Variants in SLC9D1 observed in about 807,000 individuals in gnomAD.
The protein encoded by SLC9D1 is solute carrier family 9 member D1, also known as putative LAG1-interacting protein.
the SLC9D1 span, chr13:113,520,629 C>T: frequency 1.2e-6 from 2 of 1,613,360 alleles, no homozygotes; most frequent in Non-Finnish European, 1.7e-6. Context: ...ACATTGACTA[C>T]AGCACCGTGC....
the SLC9D1 span, among the ~76,000 whole-genome samples, chr13:113,536,885 C>T: frequency 3.3e-5 from 5 of 152,200 alleles, no homozygotes; most frequent in South Asian, 2.1e-4. Flanking sequence ...GTAGCCATGA[C>T]GTGGGTTTCC....
At chr13:113,544,977 G>A in the SLC9D1 span, among the ~76,000 whole-genome samples, 1 of 152,366 alleles carries the variant, frequency 6.6e-6, no homozygotes, top group South Asian at 2.1e-4. Flanking sequence ...TATCGACAAT[G>A]TCAGTCATTG....
the SLC9D1 span, chr13:113,495,403 C>A: frequency 2.0e-6 from 1 of 509,834 alleles, no homozygotes; most frequent in Non-Finnish European, 3.4e-6. Flanking sequence ...ATGAGAATTT[C>A]TTCAGAAAGG....
chr13:113,547,371 G>A, the SLC9D1 span: 2 of 1,613,534 alleles, frequency 1.2e-6, no homozygotes, highest in East Asian at 4.5e-5. Context: ...GTCAGTGGTG[G>A]TGATGAAGGT....
At chr13:113,547,242 A>G in the SLC9D1 span, 6 of 1,279,988 alleles carry the variant, frequency 4.7e-6, no homozygotes. Flanking sequence ...TGTGAGAAAT[A>G]GTGTGCGCTG....
chr13:113,547,358 C>T, the SLC9D1 span: 2 of 1,614,056 alleles, frequency 1.2e-6, no homozygotes, highest in Non-Finnish European at 1.7e-6. Flanking sequence ...TGTTCCTCAC[C>T]TTGTCAGTGG....
the SLC9D1 span, chr13:113,545,852 T>C: frequency 6.5e-6 from 1 of 152,914 alleles, no homozygotes; most frequent in Non-Finnish European, 1.5e-5. Context: ...AGGTGGAGGC[T>C]CAGGGCGTGC....
chr13:113,495,692 CG>C, the SLC9D1 span: 1 of 1,612,372 alleles, frequency 6.2e-7, no homozygotes, highest in Non-Finnish European at 8.5e-7. Flanking sequence ...AACTGCACCG[CG>C]GGCGAGGGGT....
the SLC9D1 span, among the ~76,000 whole-genome samples, chr13:113,496,437 C>T: frequency 6.6e-6 from 1 of 152,160 alleles, no homozygotes; most frequent in Admixed American, 6.5e-5. Context: ...GACTTTTCTT[C>T]AGTGTCATAT....
chr13:113,515,780 A>G, the SLC9D1 span, among the ~76,000 whole-genome samples: 19 of 150,720 alleles, frequency 1.3e-4, no homozygotes, highest in Admixed American at 6.0e-4. Context: ...AGTCCCAGCC[A>G]CTCAAGAGGC....
chr13:113,491,457 A>C, the SLC9D1 span, among the ~76,000 whole-genome samples: 88 of 56,018 alleles, frequency 1.6e-3, no homozygotes, highest in Admixed American at 3.1e-3. Context: ...CGGGGCTCCC[A>C]TTCCCTTCTT....
the SLC9D1 span, among the ~76,000 whole-genome samples, chr13:113,521,429 G>T: frequency 6.6e-6 from 1 of 150,954 alleles, no homozygotes; most frequent in African/African-American, 2.4e-5. Context: ...CATGTGTGGT[G>T]TGCGTGTTTG....
the SLC9D1 span, among the ~76,000 whole-genome samples, chr13:113,513,473 A>G: frequency 1.3e-5 from 2 of 152,208 alleles, no homozygotes; most frequent in Admixed American, 6.5e-5. Context: ...TTTAAAGGCC[A>G]GGCTAAAACT....
the SLC9D1 span, among the ~76,000 whole-genome samples, chr13:113,511,227 A>G: frequency 6.6e-6 from 1 of 152,090 alleles, no homozygotes; most frequent in Admixed American, 6.5e-5. Flanking sequence ...TTATTTTGTA[A>G]AAGTCAGTAA....
chr13:113,509,084 T>TCC, the SLC9D1 span, among the ~76,000 whole-genome samples: 1,017 of 116,284 alleles, frequency 8.7e-3, no homozygotes, highest in Middle Eastern at 0.027. Context: ...GGCGGGTGGG[T>TCC]CCCCTGACAC....
the SLC9D1 span, among the ~76,000 whole-genome samples, chr13:113,513,176 C>T: frequency 1.6e-4 from 24 of 152,144 alleles, no homozygotes; most frequent in South Asian, 6.2e-4. Flanking sequence ...CACGTCTCCT[C>T]GGCAACGTCA....
the SLC9D1 span, chr13:113,506,118 A>G: frequency 5.7e-6 from 1 of 174,452 alleles, no homozygotes; most frequent in South Asian, 9.6e-5. Context: ...TGTGGAGGAG[A>G]CTGTTGTGGG....
the SLC9D1 span, among the ~76,000 whole-genome samples, chr13:113,531,701 C>A: frequency 6.6e-6 from 1 of 152,170 alleles, no homozygotes; most frequent in East Asian, 1.9e-4. Flanking sequence ...ACATGCAGAT[C>A]AAGAGCAGCA....
chr13:113,517,445 G>GAA, the SLC9D1 span, among the ~76,000 whole-genome samples: 1 of 152,070 alleles, frequency 6.6e-6, no homozygotes, highest in East Asian at 1.9e-4. Context: ...AGCCAGGATG[G>GAA]TCTCGATCTC....
Sources: gnomAD v4.1 joint callset for allele counts (sites outside exome capture counted in the v4.1 genomes callset) on GRCh38, gnomAD v4.1.1 for gene constraint, MANE v1.5 for transcripts, NCBI Gene and HGNC (gene_info 2026-07-23, HGNC 2026-07-21) for gene names.